Variants in STRA6 observed in about 807,000 individuals in gnomAD.
STRA6 encodes the protein signaling receptor and transporter of retinol STRA6.
STRA6 carries 48 observed loss-of-function variants against 83.6 expected under a neutral mutation model. That is an observed-to-expected ratio of 0.57 (90% CI 0.46 to 0.73). The LOEUF (loss-of-function observed/expected upper bound fraction) is 0.73. Among genes scored for constraint, STRA6 ranks in the 30% least tolerant of loss-of-function variants. The probability of loss-of-function intolerance (pLI) is 0.00; values close to 1 mark genes in which losing one functional copy is unlikely to be tolerated. For synonymous variants in STRA6, 353 were observed against 362.3 expected (o/e 0.97, Z 0.29); for missense variants, 760 against 838.8 (o/e 0.91, Z 1.16).
chr15:74,190,859 G>T lies in STRA6; in HGVS notation c.908C>A (p.Thr303Lys). ...ACATACCTGGTAAATGGCCGTCCCT[G>T]TCAGTGTAGCTGAAAGCACCAGCTT... ...PLKLVLSATL[T>K]GTAIYQVALL... The change falls in exon 11 of 19, where the codon ACA (threonine) becomes AAA (lysine). Residue 303 changes from threonine (T) to lysine (K), a missense_variant. Coordinates refer to ENST00000395105, the MANE Select transcript of STRA6 (RefSeq NM_022369.4). 4 of 1,614,128 alleles carry T rather than the reference G, an allele frequency of 2.5e-6. No individual in the cohort carries two copies. The highest frequency in any genetic ancestry group is 3.4e-6 in the Non-Finnish European group (4 of 1,180,022).
intron 18 of STRA6, 125 bp from the exon 19 acceptor site, chr15:74,180,368 C>A (rs956124268): frequency 1.3e-5 from 16 of 1,215,566 alleles, no homozygotes; most frequent in East Asian, 2.4e-5. Context: ...TAGGATGTCC[C>A]CTGCAGGCAG....
chr15:74,197,597 C>T, intron 3 of STRA6, 155 bp downstream of exon 3: 1 of 1,187,432 alleles, frequency 8.4e-7, no homozygotes, highest in Non-Finnish European at 1.2e-6. Context: ...GACTTGCATC[C>T]TGGTTTGGGC....
At chr15:74,209,461 G>A (rs755758636), upstream of STRA6, 9 of 1,534,948 alleles carry the variant, frequency 5.9e-6, no homozygotes, top group African/African-American at 1.1e-4. Context: ...GCATCCTGCT[G>A]CTGCCCAGCT....
rs778564650 is a variant in STRA6, at chr15:74,191,160, C to T, written c.865+7G>A. On this transcript the variant is annotated splice_region_variant and intron_variant, in intron 10 of 18. Transcript: ENST00000395105. ...GTCACGCTCGGCCTCAGCTCCCAAC[C>T]CCATACCTGGCTGTGGAGTGTAGAT... 1.2e-6 allele frequency: 2 copies of T among 1,613,922 alleles called. No individual in the cohort carries two copies. The highest frequency in any genetic ancestry group is 1.7e-6 in the Non-Finnish European group (2 of 1,179,942).
chr15:74,203,138 G>A, upstream of STRA6: 3 of 985,570 alleles, frequency 3.0e-6, no homozygotes, highest in Non-Finnish European at 3.6e-6. Flanking sequence ...GCGGAGGCAG[G>A]GAAGGGGAAT....
chr15:74,189,112 C>T lies in STRA6; in HGVS notation c.1090+3G>A. The T allele has an allele frequency of 6.2e-7, 1 of 1,614,052 alleles. No homozygotes were observed. On this transcript the variant is annotated splice_donor_region_variant and intron_variant, in intron 12 of 18. Coordinates refer to ENST00000395105, the MANE Select transcript of STRA6 (RefSeq NM_022369.4). ...GCCCTCAGGGGCTCCCTGGAGGCCT[C>T]ACCTTCCAGAGCCCACAGATGGTGC...
At position 74,202,135 on chromosome 15, in the gene STRA6, TGG is replaced by T; in HGVS notation, c.113+18_113+19del. 6.8e-7 allele frequency: 1 copy of T among 1,471,984 alleles called. No homozygotes were observed. Among genetic ancestry groups the T allele is most frequent in the Non-Finnish European group, 9.0e-7 (1 of 1,112,118 alleles). The allele number at this position is 1,471,984 out of a possible 1,614,324, so 91.2% of individuals were successfully genotyped here. On this transcript the variant is annotated intron_variant, in intron 2 of 18. Transcript: ENST00000395105. ...CATTCTGATGGCTGACAGAGTGAGG[TGG>T]GGTGGTTCCACACTTACCCCTCTGG...
At chr15:74,209,324 G>T, upstream of STRA6, 4 of 1,496,954 alleles carry the variant, frequency 2.7e-6, no homozygotes, top group Non-Finnish European at 3.6e-6. Context: ...TTCCCCAGAT[G>T]TGGCCTTAGA....
At chr15:74,194,519 C>T in intron 7 of STRA6, 1 of 442,378 alleles carries the variant, frequency 2.3e-6, no homozygotes, top group Non-Finnish European at 3.3e-6. Flanking sequence ...CTGGTGTTAT[C>T]AGCTCCATGG....
At chr15:74,206,179 G>A (rs996249753), upstream of STRA6, among the ~76,000 whole-genome samples, 3 of 152,206 alleles carry the variant, frequency 2.0e-5, no homozygotes, top group African/African-American at 4.8e-5. Flanking sequence ...GAGTGGTTGT[G>A]ACTTCCTAGG....
At chr15:74,184,749 C>T (rs1024830219) in intron 13 of STRA6, among the ~76,000 whole-genome samples, 2 of 152,234 alleles carry the variant, frequency 1.3e-5, no homozygotes, top group African/African-American at 2.4e-5. Context: ...GTTGGTGGTG[C>T]CCTATGTCCC....
chr15:74,179,832 G>T lies in STRA6; in HGVS notation c.*248C>A, dbSNP rs1028842585. 5.6e-5 allele frequency: 29 copies of T among 517,054 alleles called. No homozygotes were observed. The highest frequency in any genetic ancestry group is 5.0e-4 in the African/African-American group (26 of 52,254). The allele number at this position is 517,054 out of a possible 1,614,324, so 32.0% of individuals were successfully genotyped here. On this transcript the variant is annotated 3_prime_UTR_variant, in exon 19 of 19. Coordinates refer to ENST00000395105, the MANE Select transcript of STRA6 (RefSeq NM_022369.4). Reference sequence around the variant, plus strand: ...GGCTGCCCTGGCTCAACTGGCTCCTGGACCAAGGCCCTAACCCACCAGTTT... The same window carrying T: ...GGCTGCCCTGGCTCAACTGGCTCCTTGACCAAGGCCCTAACCCACCAGTTT...
chr15:74,187,523 T>C (rs947152960), intron 12 of STRA6, among the ~76,000 whole-genome samples: 1 of 152,016 alleles, frequency 6.6e-6, no homozygotes, highest in Non-Finnish European at 1.5e-5. Flanking sequence ...CTAGTTTGCC[T>C]GACTCAGTCT....
intron 8 of STRA6, chr15:74,191,730 AG>A (rs530825352): frequency 2.9e-4 from 170 of 593,084 alleles, no homozygotes; most frequent in South Asian, 5.1e-4. Context: ...CATCAATGCC[AG>A]GAAGTTCTTC....
upstream of STRA6, chr15:74,209,692 C>A (rs968025009): frequency 1.2e-5 from 6 of 511,662 alleles, no homozygotes; most frequent in African/African-American, 3.9e-5. Context: ...CTGCATCCCC[C>A]CTCACCTGAG....
chr15:74,197,468 C>T, intron 3 of STRA6, 45 bp from the exon 4 acceptor site: 2 of 1,482,566 alleles, frequency 1.3e-6, no homozygotes, highest in African/African-American at 1.4e-5. Flanking sequence ...CCAGGCCTCC[C>T]CTGAGGGTCT....
upstream of STRA6, chr15:74,209,505 C>T (rs540262742): frequency 6.9e-7 from 1 of 1,441,816 alleles, no homozygotes; most frequent in East Asian, 2.5e-5. Flanking sequence ...TAAGGGGAGT[C>T]ATCACAGGGC....
At chr15:74,192,017 C>T (rs1211442263) in intron 8 of STRA6, 1 of 174,280 alleles carries the variant, frequency 5.7e-6, no homozygotes, top group Non-Finnish European at 1.2e-5. Flanking sequence ...GTAGCAGAGG[C>T]CCATGGGAAG....
At position 74,182,468 on chromosome 15, in the gene STRA6, G is replaced by A. The variant is rs766210607; in HGVS notation, c.1301-8C>T. 6.9e-6 allele frequency: 11 copies of A among 1,602,646 alleles called. No individual in the cohort carries two copies. Among genetic ancestry groups the A allele is most frequent in the South Asian group, 1.1e-5 (1 of 89,494 alleles). ...TCTGCTGCACCAGGAGCCCTGCCAG[G>A]GGCGGGAGTGGCAGGGGGACAGAAA... On this transcript the variant is annotated splice_polypyrimidine_tract_variant and splice_region_variant and intron_variant, in intron 14 of 18. Transcript: ENST00000395105.
Sources: allele counts gnomAD v4.1 joint callset (sites outside exome capture counted in the v4.1 genomes callset), GRCh38; gene constraint gnomAD v4.1.1; transcripts MANE v1.5; gene names NCBI Gene and HGNC (gene_info 2026-07-23, HGNC 2026-07-21).